CHD1L: variants seen among roughly 807,000 people sequenced by gnomAD.
CHD1L encodes the protein ATP-dependent chromatin remodeler CHD1L.
A neutral mutation model predicts 115.9 loss-of-function variants in CHD1L; 118 were observed. That is an observed-to-expected ratio of 1.02 (90% CI 0.88 to 1.19). The LOEUF (loss-of-function observed/expected upper bound fraction) is 1.19. CHD1L is among the 50% of genes most tolerant of loss of function. The pLI is 0.00. For synonymous variants in CHD1L, 411 were observed against 387.1 expected, an observed-to-expected ratio of 1.06 and a Z score of -0.72; for missense variants, 1,179 against 1,065.3, an observed-to-expected ratio of 1.11 and a Z score of -1.49.
chr1:147,288,913 CAA>C (rs1553968275), intron 19 of CHD1L, among the ~76,000 whole-genome samples: 2 of 151,930 alleles, frequency 1.3e-5, no homozygotes, highest in African/African-American at 2.4e-5. Flanking sequence ...CCAGAAATAA[CAA>C]AGTGGCAAGA....
intron 1 of CHD1L, among the ~76,000 whole-genome samples, chr1:147,249,612 G>T (rs1667767990): frequency 6.6e-6 from 1 of 151,940 alleles, no homozygotes; most frequent in South Asian, 2.1e-4. Flanking sequence ...CACCATGTTG[G>T]CCAGGATGGT....
At chr1:147,209,226 TG>T in the CHD1L span, among the ~76,000 whole-genome samples, 45 of 152,194 alleles carry the variant, frequency 3.0e-4, no homozygotes, top group South Asian at 6.4e-3. Context: ...GAGACCATCC[TG>T]GCTAACACAG....
chr1:147,205,887 C>A, the CHD1L span, among the ~76,000 whole-genome samples: 5,591 of 151,964 alleles, frequency 0.037, 147 homozygotes, highest in South Asian at 0.095. Context: ...CACCAAAAGC[C>A]ATGGCAACAA....
chr1:147,289,630 G>A (rs1384627817), intron 19 of CHD1L, among the ~76,000 whole-genome samples: 2 of 152,192 alleles, frequency 1.3e-5, no homozygotes, highest in Non-Finnish European at 2.9e-5. Context: ...CAATTCCCAG[G>A]GAAGGCTTCA....
Position 147,254,944 on chromosome 1 carries a change from T to A in CHD1L, c.315T>A (p.Ser105=). 1 of 1,607,426 alleles carries A rather than the reference T, an allele frequency of 6.2e-7. No homozygotes were observed. The highest frequency in any genetic ancestry group is 1.1e-5 in the South Asian group (1 of 89,584). Residue 105 remains serine (S), a synonymous_variant, in exon 3 of 23, where the codon TCT becomes TCA. Transcript: ENST00000369258. ...CATTTCTGATTCTTTGTCCCTTGTC[T>A]GTTTTGAGCAACTGGAAAGAAGAAA... The part of the protein sequence containing the change: ...EGPFLILCPL[S]VLSNWKEEMQ...
At chr1:147,184,979 T>C in the CHD1L span, among the ~76,000 whole-genome samples, 1 of 152,094 alleles carries the variant, frequency 6.6e-6, no homozygotes, top group Non-Finnish European at 1.5e-5. The surrounding 1 kb of genome is among the most constrained non-coding windows in gnomAD (Gnocchi z 4.4). Context: ...TACAAGAATA[T>C]ATATATATTT....
chr1:147,293,597 G>C lies in CHD1L; in HGVS notation c.2392-11G>C. ...ATGTTGGGTTGGTCATCTAATGGTG[G>C]TTCTTTCCAGTTGGCCTTGATTGTG... On this transcript the variant is annotated splice_polypyrimidine_tract_variant and intron_variant, in intron 20 of 22. Coordinates refer to ENST00000369258, the MANE Select transcript of CHD1L (RefSeq NM_004284.6). 1.9e-6 allele frequency: 3 copies of C among 1,612,374 alleles called. No homozygotes were observed. The highest frequency in any genetic ancestry group is 2.5e-6 in the Non-Finnish European group (3 of 1,178,854).
chr1:147,287,367 G>C (rs1683575116), intron 18 of CHD1L, among the ~76,000 whole-genome samples: 2 of 152,118 alleles, frequency 1.3e-5, no homozygotes, highest in African/African-American at 2.4e-5. Context: ...CATTTGCCAG[G>C]AATCACAGAT....
intron 15 of CHD1L, among the ~76,000 whole-genome samples, chr1:147,282,105 G>A (rs1681134401): frequency 1.3e-5 from 2 of 152,198 alleles, no homozygotes; most frequent in South Asian, 2.1e-4. Flanking sequence ...TTCCCTGGCT[G>A]TCTGATCACA....
At chr1:147,178,397 A>G in the CHD1L span, 13 of 1,610,864 alleles carry the variant, frequency 8.1e-6, no homozygotes, top group East Asian at 2.2e-5. Context: ...TGTAATAAAT[A>G]TGGAGTCAGT....
In CHD1L at chr1:147,268,834, G is replaced by A; in HGVS notation, c.1041G>A (p.Gly347=). The change falls in exon 10 of 23, where the codon GGG becomes GGA. Residue 347 remains glycine (G), a synonymous_variant. Coordinates refer to ENST00000369258, the MANE Select transcript of CHD1L (RefSeq NM_004284.6). ...GAGACCACCTGACTGAGGCTAGTGG[G>A]AAGCTTCACCTGCTGGATAAGCTAC... is the stretch of plus-strand genomic sequence containing the variant. ...EVGDHLTEAS[G]KLHLLDKLLA... The A allele has an allele frequency of 1.2e-6, 2 of 1,613,794 alleles. No homozygotes were observed. The highest frequency in any genetic ancestry group is 8.5e-7 in the Non-Finnish European group (1 of 1,179,776).
intron 12 of CHD1L, among the ~76,000 whole-genome samples, chr1:147,274,206 T>C (rs1677386803): frequency 6.6e-6 from 1 of 152,102 alleles, no homozygotes. Context: ...GTGGGGAAAA[T>C]CGTAGCAACT....
the CHD1L span, among the ~76,000 whole-genome samples, chr1:147,233,574 C>A: frequency 6.6e-6 from 1 of 151,206 alleles, no homozygotes; most frequent in Non-Finnish European, 1.5e-5. Flanking sequence ...TCTGCCCGGC[C>A]ACCACCCCGT....
chr1:147,256,482 C>G (rs782462407), intron 4 of CHD1L, 49 bp from the exon 5 acceptor site: 1 of 1,513,610 alleles, frequency 6.6e-7, no homozygotes, highest in Admixed American at 1.7e-5. Context: ...TTATCAATAT[C>G]AGAGTTTATC....
chr1:147,228,117 T>C, the CHD1L span, among the ~76,000 whole-genome samples: 3 of 152,004 alleles, frequency 2.0e-5, no homozygotes, highest in African/African-American at 7.3e-5. Flanking sequence ...CATTAACTCA[T>C]CATTTAATAT....
the CHD1L span, among the ~76,000 whole-genome samples, chr1:147,234,554 T>TTG: frequency 1.3e-5 from 2 of 152,250 alleles, no homozygotes; most frequent in Non-Finnish European, 2.9e-5. Flanking sequence ...ACACGTGGCC[T>TTG]GGCATGTAGT....
At chr1:147,208,760 T>C in the CHD1L span, 2 of 1,030,358 alleles carry the variant, frequency 1.9e-6, no homozygotes, top group Non-Finnish European at 3.0e-6. Context: ...TCTTAATGTA[T>C]GGGTAGAGGT....
At chr1:147,184,761 G>C in the CHD1L span, 1,738 of 1,149,934 alleles carry the variant, frequency 1.5e-3, 22 homozygotes, top group African/African-American at 0.025. This position sits in a 1 kb window ranked among gnomAD's most constrained non-coding sequence, Gnocchi z 4.4. Flanking sequence ...AGCCGAGATA[G>C]TGTTTATCAG....
At chr1:147,206,656 C>T in the CHD1L span, among the ~76,000 whole-genome samples, 6 of 152,022 alleles carry the variant, frequency 3.9e-5, no homozygotes, top group African/African-American at 1.4e-4. Flanking sequence ...AGCAAACTAT[C>T]GCAAGGACAA....
Sources: gnomAD v4.1 joint callset for allele counts (sites outside exome capture counted in the v4.1 genomes callset) on GRCh38, gnomAD v4.1.1 for gene constraint, Gnocchi (gnomAD v3.1) non-coding constraint, MANE v1.5 for transcripts, NCBI Gene and HGNC (gene_info 2026-07-23, HGNC 2026-07-21) for gene names.